Variants in SYCP2 observed in about 807,000 individuals in gnomAD.
SYCP2 encodes synaptonemal complex lateral element protein.
SYCP2 carries 55 observed loss-of-function variants against 211.3 expected under a neutral mutation model. The ratio of observed to expected loss-of-function variants is 0.26; its 90% CI spans 0.21 to 0.33. The LOEUF (loss-of-function observed/expected upper bound fraction) is 0.33, where lower values mean the gene tolerates loss of function less well. Ranked by LOEUF, SYCP2 falls within the 10% of genes least tolerant of loss-of-function variation. SYCP2 has a pLI of 1.00. For missense variants in SYCP2, 1,731 were observed against 1,752.0 expected (o/e 0.99, Z 0.21); for synonymous variants, 570 against 555.2 (o/e 1.03, Z -0.37).
At chr20:59,884,942 C>A (rs1414258866) in intron 26 of SYCP2, among the ~76,000 whole-genome samples, 1 of 151,888 alleles carries the variant, frequency 6.6e-6, no homozygotes, top group East Asian at 1.9e-4. Flanking sequence ...AGAATTCTTG[C>A]CAAATGGGTT....
In SYCP2 at chr20:59,865,406, G is replaced by C. The variant is rs772842175; in HGVS notation, c.4497C>G (p.Asp1499Glu). The C allele has an allele frequency of 6.2e-7, 1 of 1,609,714 alleles. No homozygotes were observed. The highest frequency in any genetic ancestry group is 2.2e-5 in the East Asian group (1 of 44,678). ...LMKEDMKVLQ[D>E]RLLKDMLEEE... ...GACTTACCATGTCCTTAAGAAGCCTGTCTTGCAGCACTTTCATATCTTCTT... is the reference window on the plus strand; with the variant it reads ...GACTTACCATGTCCTTAAGAAGCCTCTCTTGCAGCACTTTCATATCTTCTT... Residue 1499 changes from aspartate to glutamate, a missense_variant, in exon 44 of 45, where the codon GAC (aspartate) becomes GAG (glutamate). Asp to Glu is a conservative substitution (Grantham distance 45). Transcript: ENST00000357552.
At chr20:59,878,361 C>T (rs556722667) in intron 31 of SYCP2, among the ~76,000 whole-genome samples, 1 of 152,220 alleles carries the variant, frequency 6.6e-6, no homozygotes, top group East Asian at 1.9e-4. Flanking sequence ...CATTTTTAAA[C>T]TCATTCAAAA....
intron 14 of SYCP2, among the ~76,000 whole-genome samples, chr20:59,910,583 G>A (rs1368182978): frequency 6.6e-6 from 1 of 151,216 alleles, no homozygotes; most frequent in Non-Finnish European, 1.5e-5. Flanking sequence ...GTTTCACCAT[G>A]TTTAACTGCT....
In SYCP2 at chr20:59,919,259, A is replaced by G. The variant is rs532940849; in HGVS notation, c.403-77T>C. 312 of 790,010 alleles carry G rather than the reference A, an allele frequency of 3.9e-4. No homozygotes were observed. In the African/African-American group the frequency reaches 5.2e-3, roughly 13 times the overall value. The allele number at this position is 790,010 out of a possible 1,614,324, so 48.9% of individuals were successfully genotyped here. A position where few individuals can be genotyped will look rare whatever the true frequency, so the allele number is the denominator to read the frequency against. Reference sequence around the variant, plus strand: ...CATTACAATATTATAAACCATTACAAATGGTATTGAAATGACAGATTACAT... The same window carrying G: ...CATTACAATATTATAAACCATTACAGATGGTATTGAAATGACAGATTACAT... On this transcript the variant is annotated intron_variant, in intron 6 of 44. Transcript: ENST00000357552.
intron 7 of SYCP2, among the ~76,000 whole-genome samples, chr20:59,917,611 G>A (rs1336267500): frequency 1.4e-5 from 2 of 146,212 alleles, no homozygotes; most frequent in Non-Finnish European, 3.1e-5. Flanking sequence ...GAAGAGGTAG[G>A]ATTAATTATT....
At chr20:59,901,889 A>G in intron 15 of SYCP2, 79 bp from the exon 16 acceptor site, 2 of 1,150,954 alleles carry the variant, frequency 1.7e-6, no homozygotes, top group Non-Finnish European at 2.4e-6. Flanking sequence ...ACATGGATGT[A>G]GCAGATTAAT....
At position 59,895,552 on chromosome 20, in the gene SYCP2, G is replaced by A. The variant is rs138897832; in HGVS notation, c.1550C>T (p.Thr517Met). Reference protein sequence around the residue: ...RRRIKPPLQMTSSAEKPSVSQ... With the variant: ...RRRIKPPLQMMSSAEKPSVSQ... ...AACACTAGGTTTCTCTGCAGAGCTC[G>A]TCATTTGCAGTGGTGGTTTAATTCT... Residue 517 changes from threonine to methionine, a missense_variant, in exon 20 of 45, where the codon ACG becomes ATG. Transcript: ENST00000357552. 6.2e-6 allele frequency: 10 copies of A among 1,610,464 alleles called. No homozygotes were observed. Among genetic ancestry groups the A allele is most frequent in the Admixed American group, 3.4e-5 (2 of 59,678 alleles).
rs201441085 is a variant in SYCP2, at chr20:59,892,435, G to A, written c.1928-9C>T. 14 of 1,468,344 alleles carry A rather than the reference G, an allele frequency of 9.5e-6. No individual in the cohort carries two copies. The East Asian group carries it at 1.4e-4, about 15-fold the overall frequency. 91.0% of individuals were successfully genotyped at this position (1,468,344 alleles called of 1,614,324 possible). ...TTTATTTATAACAATATCTATTGGGGAAAATGAGAAATTAATTCTTTTTAA... is the reference window on the plus strand; with the variant it reads ...TTTATTTATAACAATATCTATTGGGAAAAATGAGAAATTAATTCTTTTTAA... On this transcript the variant is annotated splice_polypyrimidine_tract_variant and intron_variant, in intron 23 of 44. Transcript: ENST00000357552.
chr20:59,916,651 G>A (rs2060448011), intron 7 of SYCP2, 80 bp from the exon 8 acceptor site: 1 of 962,772 alleles, frequency 1.0e-6, no homozygotes, highest in South Asian at 1.4e-5. Context: ...AAGAGTTAGT[G>A]GAAAGGGGCC....
At position 59,892,248 on chromosome 20, in the gene SYCP2, A is replaced by G; in HGVS notation, c.2106T>C (p.Tyr702=). Residue 702 remains tyrosine (Y), a synonymous_variant, in exon 24 of 45, where the codon TAT becomes TAC. Coordinates refer to ENST00000357552, the MANE Select transcript of SYCP2 (RefSeq NM_014258.4). ...CATTTTCAGTATTTTTCTGCCCTGA[A>G]TATTTAGGATGATTTTGTTGCTGAT... The part of the protein sequence containing the change: ...KHNQQQNHPK[Y]SGQKNTENAK... 1 of 1,612,894 alleles carries G rather than the reference A, an allele frequency of 6.2e-7. No individual in the cohort carries two copies. The highest frequency in any genetic ancestry group is 8.5e-7 in the Non-Finnish European group (1 of 1,179,302).
rs1417838770 is a variant in SYCP2, at chr20:59,864,244, ATTC to A, written c.*64_*66del. The A allele has an allele frequency of 1.8e-6, 2 of 1,139,520 alleles. No individual in the cohort carries two copies. The highest frequency in any genetic ancestry group is 2.6e-5 in the East Asian group (1 of 39,100). The allele number at this position is 1,139,520 out of a possible 1,614,324, so 70.6% of individuals were successfully genotyped here. A position where few individuals can be genotyped will look rare whatever the true frequency, so the allele number is the denominator to read the frequency against. Reference sequence around the variant, plus strand: ...TGTATATTTTTCTCTTTGTAGGACTATTCTTATTTCCTCAGTTATATACAGAGA... The same window carrying A: ...TGTATATTTTTCTCTTTGTAGGACTATTATTTCCTCAGTTATATACAGAGA... On this transcript the variant is annotated 3_prime_UTR_variant, in exon 45 of 45. Coordinates refer to ENST00000357552, the MANE Select transcript of SYCP2 (RefSeq NM_014258.4).
rs1275738826 is a variant in SYCP2 at position 59,866,302 on chromosome 20, C to T, written c.4311G>A (p.Lys1437=). 6.3e-7 allele frequency: 1 copy of T among 1,577,938 alleles called. No homozygotes were observed. The change falls in exon 41 of 45, where the codon AAG becomes AAA. Residue 1437 remains lysine (K), a synonymous_variant. Transcript: ENST00000357552. ...KDSQSLKDLE[K]EFVDFWEKIF... ...TTTTAAAGTAACAAACCACAAATTC[C>T]TTTTCCAAATCTTTTAAAGACTGTG... is the stretch of plus-strand genomic sequence containing the variant.
At chr20:59,915,074 T>C in intron 10 of SYCP2, 91 bp downstream of exon 10, 1 of 831,940 alleles carries the variant, frequency 1.2e-6, no homozygotes, top group Non-Finnish European at 2.0e-6. Context: ...TCCCTCAGTC[T>C]CACATTGCTA....
At chr20:59,908,596 T>C (rs1192621203) in intron 14 of SYCP2, among the ~76,000 whole-genome samples, 1 of 152,224 alleles carries the variant, frequency 6.6e-6, no homozygotes, top group African/African-American at 2.4e-5. Context: ...AAACTGATTC[T>C]TCCTTATATA....
chr20:59,909,940 G>A (rs2060284638), intron 14 of SYCP2, among the ~76,000 whole-genome samples: 2 of 152,186 alleles, frequency 1.3e-5, no homozygotes, highest in Admixed American at 6.5e-5. Flanking sequence ...ATCTAAATGG[G>A]AAGAACTAAG....
rs1293059619 is a variant in SYCP2, at chr20:59,879,437, C to A, written c.2941+866G>T. On this transcript the variant is annotated intron_variant, in intron 31 of 44. Transcript: ENST00000357552. ...TAGGTAACTACTGGTTATTTTTAAT[C>A]CTGAAATAAAATGAAAGCTGATGCC... Among the ~76,000 whole-genome samples the A allele has an allele frequency of 3.3e-5, 5 of 151,690 alleles. No homozygotes were observed. The South Asian group carries it at 1.0e-3, about 32-fold the overall frequency.
intron 15 of SYCP2, among the ~76,000 whole-genome samples, chr20:59,904,706 G>T (rs899733273): frequency 6.6e-6 from 1 of 152,086 alleles, no homozygotes; most frequent in Non-Finnish European, 1.5e-5. Context: ...GTATTAGTCT[G>T]CTATAATGGA....
intron 2 of SYCP2, among the ~76,000 whole-genome samples, chr20:59,923,927 T>C (rs991316511): frequency 1.3e-5 from 2 of 151,954 alleles, no homozygotes; most frequent in South Asian, 4.1e-4. Context: ...AATAATTACA[T>C]TGAAAGTAAA....
rs565792536 is a variant in SYCP2, at chr20:59,868,311, C to T, written c.3988+102G>A. ...AAGCATCATCCATCTTGGACATATCCAAAGTTGTCTTTACAAATTTGTTTT... is the reference window on the plus strand; with the variant it reads ...AAGCATCATCCATCTTGGACATATCTAAAGTTGTCTTTACAAATTTGTTTT... On this transcript the variant is annotated intron_variant, in intron 38 of 44. Coordinates refer to ENST00000357552, the MANE Select transcript of SYCP2 (RefSeq NM_014258.4). 1.6e-5 allele frequency: 20 copies of T among 1,229,494 alleles called. No homozygotes were observed. In the South Asian group the frequency reaches 2.5e-4, roughly 16 times the overall value. 76.2% of individuals were successfully genotyped at this position (1,229,494 alleles called of 1,614,324 possible). A position where few individuals can be genotyped will look rare whatever the true frequency, so the allele number is the denominator to read the frequency against.
Sources: allele counts gnomAD v4.1 joint callset (sites outside exome capture counted in the v4.1 genomes callset), GRCh38; gene constraint gnomAD v4.1.1; transcripts MANE v1.5; gene names NCBI Gene and HGNC (gene_info 2026-07-23, HGNC 2026-07-21).